AGAP1: variants seen among roughly 807,000 people sequenced by gnomAD.
AGAP1 encodes the protein arf-GAP with GTPase, ANK repeat and PH domain-containing protein 1.
Under a neutral mutation model 105.3 loss-of-function variants are expected in AGAP1, and 29 were observed. That is an observed-to-expected ratio of 0.28 (90% CI 0.21 to 0.38). AGAP1 has a LOEUF of 0.38. Among genes scored for constraint, AGAP1 ranks in the 10% least tolerant of loss-of-function variants. The pLI is 1.00. For missense variants in AGAP1, 998 were observed against 1,165.1 expected (o/e 0.86, Z 2.09); for synonymous variants, 509 against 485.9 (o/e 1.05, Z -0.63).
rs2125133182 is a variant in AGAP1, at chr2:235,927,209, CAGA to C, written c.1325-3553_1325-3551del. Among the ~76,000 whole-genome samples the C allele has an allele frequency of 6.6e-6, 1 of 152,220 alleles. No individual in the cohort carries two copies. The highest frequency in any genetic ancestry group is 2.4e-5 in the African/African-American group (1 of 41,538). ...CTATAGGGCTCTAAGAGTCTGCCGT[CAGA>C]AGGATTGTGGATAGCTGGTCTGGTG... On this transcript the variant is annotated intron_variant, in intron 11 of 17. Transcript: ENST00000304032. This position sits in a 1 kb window ranked among gnomAD's most constrained non-coding sequence, Gnocchi z 4.4.
At chr2:235,828,001 G>T (rs1230530975) in intron 9 of AGAP1, among the ~76,000 whole-genome samples, 1 of 152,204 alleles carries the variant, frequency 6.6e-6, no homozygotes, top group Non-Finnish European at 1.5e-5. Context: ...GCCACTGTGG[G>T]TCCTGACGGT....
chr2:235,542,105 A>G (rs1388454483), intron 1 of AGAP1, among the ~76,000 whole-genome samples: 1 of 152,164 alleles, frequency 6.6e-6, no homozygotes, highest in Non-Finnish European at 1.5e-5. Flanking sequence ...AAACAGGGTT[A>G]TTGCTCTCAA....
chr2:235,619,078 C>T (rs1220386041), intron 1 of AGAP1, among the ~76,000 whole-genome samples: 1 of 152,154 alleles, frequency 6.6e-6, no homozygotes, highest in Non-Finnish European at 1.5e-5. Flanking sequence ...AGGAAATGGA[C>T]TCTACCCCAG....
chr2:235,628,709 G>T (rs548128795), intron 1 of AGAP1, among the ~76,000 whole-genome samples: 3 of 152,038 alleles, frequency 2.0e-5, no homozygotes, highest in Admixed American at 2.0e-4. Context: ...AGAGATTCTG[G>T]TGCACCCATC....
At chr2:235,834,442 T>A (rs574861483) in intron 9 of AGAP1, among the ~76,000 whole-genome samples, 2 of 152,354 alleles carry the variant, frequency 1.3e-5, no homozygotes, top group East Asian at 3.9e-4. Context: ...CTTCCCCCGC[T>A]GCGTCCTGTC....
At position 235,554,715 on chromosome 2, in the gene AGAP1, G is replaced by A. The variant is rs370598858; in HGVS notation, c.163+59866G>A. Among the ~76,000 whole-genome samples the A allele has an allele frequency of 3.9e-5, 6 of 152,244 alleles. No homozygotes were observed. The East Asian group carries it at 7.7e-4, about 20-fold the overall frequency. Reference sequence around the variant, plus strand: ...TTTTTTTAGACAGAGTTTCGCTCTTGTTGCCCAGGCTGGAGTGCAGTGGCG... The same window carrying A: ...TTTTTTTAGACAGAGTTTCGCTCTTATTGCCCAGGCTGGAGTGCAGTGGCG... On this transcript the variant is annotated intron_variant, in intron 1 of 17. Transcript: ENST00000304032.
chr2:235,598,564 A>G (rs899591933), intron 1 of AGAP1, among the ~76,000 whole-genome samples: 1 of 152,220 alleles, frequency 6.6e-6, no homozygotes, highest in Admixed American at 6.5e-5. Context: ...GACTTACTGG[A>G]TGACGTGAAA....
chr2:235,978,045 C>T (rs2054932801), intron 13 of AGAP1, among the ~76,000 whole-genome samples: 1 of 152,136 alleles, frequency 6.6e-6, no homozygotes, highest in African/African-American at 2.4e-5. Context: ...TGCACACACA[C>T]ACAGAGAGAG....
At position 235,872,575 on chromosome 2, in the gene AGAP1, G is replaced by C. The variant is rs1480199627; in HGVS notation, c.1051-10770G>C. Among the ~76,000 whole-genome samples, 1 of 152,166 alleles carries C rather than the reference G, an allele frequency of 6.6e-6. No individual in the cohort carries two copies. Among genetic ancestry groups the C allele is most frequent in the Admixed American group, 6.5e-5 (1 of 15,292 alleles). On this transcript the variant is annotated intron_variant, in intron 9 of 17. Transcript: ENST00000304032. This position sits in a 1 kb window ranked among gnomAD's most constrained non-coding sequence, Gnocchi z 4.5. ...GGCCTCTGTCATCTTCTGGCCAGTAGGATCACGGCTTCATGTCCTCTAAAA... is the reference window on the plus strand; with the variant it reads ...GGCCTCTGTCATCTTCTGGCCAGTACGATCACGGCTTCATGTCCTCTAAAA...
chr2:235,961,536 G>T lies in AGAP1; in HGVS notation c.1484-6926G>T, dbSNP rs983089884. On this transcript the variant is annotated intron_variant, in intron 12 of 17. Coordinates refer to ENST00000304032, the MANE Select transcript of AGAP1 (RefSeq NM_001037131.3). This position sits in a 1 kb window ranked among gnomAD's most constrained non-coding sequence, Gnocchi z 5.9. ...CAGCAGTGCAGAGGGACAGGCCCTA[G>T]GGAGTTGTGCTTTAAAGAAGGGCAG... Among the ~76,000 whole-genome samples the T allele has an allele frequency of 6.6e-6, 1 of 152,210 alleles. No individual in the cohort carries two copies. Among genetic ancestry groups the T allele is most frequent in the Non-Finnish European group, 1.5e-5 (1 of 68,026 alleles).
In AGAP1 at chr2:235,739,932, C is replaced by T. The variant is rs1952478392; in HGVS notation, c.311-1031C>T. Among the ~76,000 whole-genome samples the T allele has an allele frequency of 6.6e-6, 1 of 152,218 alleles. No homozygotes were observed. The highest frequency in any genetic ancestry group is 2.4e-5 in the African/African-American group (1 of 41,454). On this transcript the variant is annotated intron_variant, in intron 3 of 17. Coordinates refer to ENST00000304032, the MANE Select transcript of AGAP1 (RefSeq NM_001037131.3). This position sits in a 1 kb window ranked among gnomAD's most constrained non-coding sequence, Gnocchi z 5.3. ...GCCTCTGGGCTCTGGCAGCATTGTC[C>T]TCTGGGTCCAGCGATTTGGGGTTTA...
At position 235,883,266 on chromosome 2, in the gene AGAP1, TG is replaced by T; in HGVS notation, c.1051-78del. On this transcript the variant is annotated intron_variant, in intron 9 of 17. Coordinates refer to ENST00000304032, the MANE Select transcript of AGAP1 (RefSeq NM_001037131.3). This position sits in a 1 kb window ranked among gnomAD's most constrained non-coding sequence, Gnocchi z 4.5. ...GTTCTGCACACACACAGAACTTGAATGTATATGTTGCCTGTGTACCTGCCTT... is the reference window on the plus strand; with the variant it reads ...GTTCTGCACACACACAGAACTTGAATTATATGTTGCCTGTGTACCTGCCTT... The T allele has an allele frequency of 8.3e-7, 1 of 1,201,820 alleles. No individual in the cohort carries two copies. The allele number at this position is 1,201,820 out of a possible 1,614,324, so 74.4% of individuals were successfully genotyped here.
chr2:236,101,713 G>A lies in AGAP1; in HGVS notation c.2115-18479G>A, dbSNP rs1288643563. On this transcript the variant is annotated intron_variant, in intron 16 of 17. Coordinates refer to ENST00000304032, the MANE Select transcript of AGAP1 (RefSeq NM_001037131.3). This position sits in a 1 kb window ranked among gnomAD's most constrained non-coding sequence, Gnocchi z 4.9. ...CACATCAGCCGCTGTTATGGTGAAC[G>A]GAATTCACTGTGATGGCGGCTGCAC... Among the ~76,000 whole-genome samples, 3 of 152,222 alleles carry A rather than the reference G, an allele frequency of 2.0e-5. No individual in the cohort carries two copies. The highest frequency in any genetic ancestry group is 1.9e-4 in the East Asian group (1 of 5,188).
At chr2:235,617,699 C>G (rs920420784) in intron 1 of AGAP1, among the ~76,000 whole-genome samples, 1 of 152,206 alleles carries the variant, frequency 6.6e-6, no homozygotes, top group Non-Finnish European at 1.5e-5. Flanking sequence ...GAGATTCCAT[C>G]TCAAACAAAC....
At chr2:235,590,947 T>C (rs771212211) in intron 1 of AGAP1, among the ~76,000 whole-genome samples, 37 of 151,960 alleles carry the variant, frequency 2.4e-4, no homozygotes, top group Non-Finnish European at 3.7e-4. Context: ...GGTCTCGATC[T>C]CCTGACCTCG....
Position 235,642,777 on chromosome 2 carries a change from A to G in AGAP1, c.164-66402A>G, listed in dbSNP as rs1319158987. The stretch of plus-strand genomic sequence containing the variant: ...TTCTTGCTTTTAGAAGGAGGGGGGA[A>G]AATAGAGAAGTAGTTATCTCATTGT... On this transcript the variant is annotated intron_variant, in intron 1 of 17. Transcript: ENST00000304032. This position sits in a 1 kb window ranked among gnomAD's most constrained non-coding sequence, Gnocchi z 4.1. Among the ~76,000 whole-genome samples the G allele has an allele frequency of 6.6e-6, 1 of 152,246 alleles. No individual in the cohort carries two copies. Among genetic ancestry groups the G allele is most frequent in the East Asian group, 1.9e-4 (1 of 5,190 alleles).
At position 235,961,001 on chromosome 2, in the gene AGAP1, C is replaced by G. The variant is rs1033022519; in HGVS notation, c.1484-7461C>G. ...TCCACCCGCGCAAGTGTCTGTCACACAGAGGTTAGTTCTTTCATAAAACTT... is the reference window on the plus strand; with the variant it reads ...TCCACCCGCGCAAGTGTCTGTCACAGAGAGGTTAGTTCTTTCATAAAACTT... On this transcript the variant is annotated intron_variant, in intron 12 of 17. Transcript: ENST00000304032. This position sits in a 1 kb window ranked among gnomAD's most constrained non-coding sequence, Gnocchi z 5.9. 6.6e-6 allele frequency among the ~76,000 whole-genome samples: 1 copy of G among 152,216 alleles called. No homozygotes were observed. The highest frequency in any genetic ancestry group is 1.5e-5 in the Non-Finnish European group (1 of 68,036).
chr2:235,686,916 T>G (rs941446770), intron 1 of AGAP1, among the ~76,000 whole-genome samples: 8 of 151,658 alleles, frequency 5.3e-5, no homozygotes, highest in African/African-American at 1.9e-4. Flanking sequence ...CTCCTGTCTC[T>G]GCCTCCCAAA....
chr2:235,924,414 C>T (rs2052343937), intron 11 of AGAP1, among the ~76,000 whole-genome samples: 1 of 152,100 alleles, frequency 6.6e-6, no homozygotes, highest in Admixed American at 6.5e-5. Flanking sequence ...ATTGTAGGTT[C>T]CCTAAGACAG....
Sources: allele counts gnomAD v4.1 joint callset (sites outside exome capture counted in the v4.1 genomes callset), GRCh38; gene constraint gnomAD v4.1.1; non-coding constraint Gnocchi (gnomAD v3.1); transcripts MANE v1.5; gene names NCBI Gene and HGNC (gene_info 2026-07-23, HGNC 2026-07-21).